RPS6KC1: variants seen among roughly 807,000 people sequenced by gnomAD.
RPS6KC1 encodes inactive ribosomal protein S6 kinase delta-1.
RPS6KC1 carries 54 observed loss-of-function variants against 103.8 expected under a neutral mutation model. The ratio of observed to expected loss-of-function variants is 0.52; its 90% CI spans 0.42 to 0.65. RPS6KC1 has a LOEUF of 0.65. RPS6KC1 is among the 30% of genes least tolerant of loss of function. The pLI, the probability that RPS6KC1 is intolerant of heterozygous loss-of-function variation, is 0.00. For synonymous variants in RPS6KC1, 439 were observed against 438.7 expected, an observed-to-expected ratio of 1.00 and a Z score of -0.01; for missense variants, 1,151 against 1,253.8, an observed-to-expected ratio of 0.92 and a Z score of 1.24.
the RPS6KC1 span, among the ~76,000 whole-genome samples, chr1:213,727,009 G>A: frequency 7.0e-4 from 107 of 152,184 alleles, no homozygotes; most frequent in Non-Finnish European, 1.4e-3. Context: ...CTCAGCCATG[G>A]GGCGGCTAAA....
intron 8 of RPS6KC1, among the ~76,000 whole-genome samples, chr1:213,209,252 T>C (rs966050800): frequency 6.6e-6 from 1 of 152,186 alleles, no homozygotes; most frequent in Non-Finnish European, 1.5e-5. Flanking sequence ...TAAATATCTT[T>C]TACCTGTATT....
the RPS6KC1 span, among the ~76,000 whole-genome samples, chr1:213,444,924 T>C: frequency 5.9e-5 from 9 of 152,302 alleles, no homozygotes; most frequent in Non-Finnish European, 1.3e-4. Context: ...TTATTCACAG[T>C]TATGCATCCA....
rs749986537 is a variant in RPS6KC1, at chr1:213,242,003, G to A, written c.2527G>A (p.Val843Ile). The change falls in exon 11 of 15, where the codon GTA becomes ATA. Residue 843 changes from valine (V) to isoleucine (I), a missense_variant. Val to Ile is a conservative substitution (Grantham distance 29). Transcript: ENST00000366960. The part of the protein sequence containing the change: ...ASTDTLKTEE[V>I]LLFTDQTDDL... ...CACAGACACTTTAAAAACAGAAGAAGTATTGCTGTTTACAGATCAGACTGA... is the reference window on the plus strand; with the variant it reads ...CACAGACACTTTAAAAACAGAAGAAATATTGCTGTTTACAGATCAGACTGA... 3.7e-6 allele frequency: 6 copies of A among 1,613,812 alleles called. No individual in the cohort carries two copies. Among genetic ancestry groups the A allele is most frequent in the South Asian group, 1.1e-5 (1 of 91,082 alleles).
chr1:213,816,016 GGAGA>G, the RPS6KC1 span, among the ~76,000 whole-genome samples: 2 of 152,170 alleles, frequency 1.3e-5, no homozygotes, highest in Non-Finnish European at 2.9e-5. Context: ...GGGAGCCAGA[GGAGA>G]GAGAAAGAGA....
Position 213,242,545 on chromosome 1 carries a change from T to C in RPS6KC1, c.2822-24T>C, listed in dbSNP as rs375051934. The C allele has an allele frequency of 3.2e-6, 5 of 1,580,916 alleles. No homozygotes were observed. In the South Asian group the frequency reaches 5.6e-5, roughly 18 times the overall value. ...AAAATGGAAGAGAAAAATGTTTTGATTTCTCCTGTCGTTTTGTTTTTAGGA... is the reference window on the plus strand; with the variant it reads ...AAAATGGAAGAGAAAAATGTTTTGACTTCTCCTGTCGTTTTGTTTTTAGGA... On this transcript the variant is annotated intron_variant, in intron 11 of 14. Coordinates refer to ENST00000366960, the MANE Select transcript of RPS6KC1 (RefSeq NM_012424.6).
chr1:213,518,218 T>C, the RPS6KC1 span, among the ~76,000 whole-genome samples: 1 of 152,202 alleles, frequency 6.6e-6, no homozygotes, highest in Non-Finnish European at 1.5e-5. Context: ...CTAAAATATA[T>C]GTCCTTGTTC....
chr1:213,612,699 A>G, the RPS6KC1 span, among the ~76,000 whole-genome samples: 1 of 152,188 alleles, frequency 6.6e-6, no homozygotes. Context: ...TATAAATCCA[A>G]AGTTCTTTTG....
chr1:213,065,917 C>CA (rs1375779443), intron 1 of RPS6KC1, among the ~76,000 whole-genome samples: 1 of 152,188 alleles, frequency 6.6e-6, no homozygotes, highest in Non-Finnish European at 1.5e-5. Flanking sequence ...GACCAGGAGT[C>CA]AGACAGTCGA....
the RPS6KC1 span, among the ~76,000 whole-genome samples, chr1:213,789,995 C>T: frequency 2.0e-5 from 3 of 152,212 alleles, no homozygotes; most frequent in South Asian, 6.2e-4. Flanking sequence ...TATGGATAAT[C>T]CAAAACATTA....
At chr1:213,391,266 C>A in the RPS6KC1 span, among the ~76,000 whole-genome samples, 1 of 152,136 alleles carries the variant, frequency 6.6e-6, no homozygotes, top group Admixed American at 6.6e-5. Flanking sequence ...CCAACGAGGG[C>A]CATGCATGTG....
the RPS6KC1 span, among the ~76,000 whole-genome samples, chr1:213,699,468 C>T: frequency 2.6e-5 from 4 of 152,134 alleles, no homozygotes; most frequent in Non-Finnish European, 4.4e-5. Context: ...CTGATGGACA[C>T]TTAGGTTGCC....
chr1:213,149,087 T>A (rs1310242904), intron 6 of RPS6KC1, among the ~76,000 whole-genome samples: 1 of 152,100 alleles, frequency 6.6e-6, no homozygotes, highest in Non-Finnish European at 1.5e-5. Flanking sequence ...TGGCTAAAGG[T>A]TTGTCAATTT....
chr1:213,519,767 A>T, the RPS6KC1 span, among the ~76,000 whole-genome samples: 1 of 152,212 alleles, frequency 6.6e-6, no homozygotes, highest in South Asian at 2.1e-4. Context: ...TAACCACTGG[A>T]TACTGGATGA....
chr1:213,605,552 T>G, the RPS6KC1 span, among the ~76,000 whole-genome samples: 2 of 152,222 alleles, frequency 1.3e-5, no homozygotes, highest in African/African-American at 4.8e-5. Flanking sequence ...ATTGTACTGA[T>G]CTGGGCTCTT....
chr1:213,589,067 T>C, the RPS6KC1 span, among the ~76,000 whole-genome samples: 4 of 152,100 alleles, frequency 2.6e-5, no homozygotes, highest in Non-Finnish European at 4.4e-5. Flanking sequence ...AGGGGCTTAG[T>C]GCTCTGGACC....
chr1:213,635,842 G>T, the RPS6KC1 span, among the ~76,000 whole-genome samples: 5 of 152,160 alleles, frequency 3.3e-5, no homozygotes, highest in Non-Finnish European at 7.3e-5. Context: ...CCTGTTTGCA[G>T]ATGAAATGAT....
chr1:213,838,832 T>G, the RPS6KC1 span, among the ~76,000 whole-genome samples: 2 of 152,190 alleles, frequency 1.3e-5, no homozygotes, highest in African/African-American at 4.8e-5. Context: ...AGATTCCATG[T>G]AAGGATTCAC....
At chr1:213,233,043 A>G (rs780867399) in intron 10 of RPS6KC1, among the ~76,000 whole-genome samples, 1 of 152,194 alleles carries the variant, frequency 6.6e-6, no homozygotes. Context: ...TAACTATTGT[A>G]CTTTACTAAT....
At chr1:213,116,651 T>C (rs1279001875) in intron 4 of RPS6KC1, among the ~76,000 whole-genome samples, 2 of 151,896 alleles carry the variant, frequency 1.3e-5, no homozygotes, top group East Asian at 3.8e-4. Context: ...CTAGTCTCGA[T>C]GGTCTTTACA....
Sources: allele counts gnomAD v4.1 joint callset (sites outside exome capture counted in the v4.1 genomes callset), GRCh38; gene constraint gnomAD v4.1.1; transcripts MANE v1.5; gene names NCBI Gene and HGNC (gene_info 2026-07-23, HGNC 2026-07-21).